Variants in CPNE4 observed in about 807,000 individuals in gnomAD.
The protein encoded by CPNE4 is copine-4.
CPNE4 carries 25 observed loss-of-function variants against 67.9 expected under a neutral mutation model. That is an observed-to-expected ratio of 0.37 (90% CI 0.27 to 0.51). The LOEUF is 0.51. CPNE4 is among the 20% of genes least tolerant of loss of function. CPNE4 has a pLI of 0.93. For synonymous variants in CPNE4, 242 were observed against 244.9 expected (o/e 0.99, Z 0.11); for missense variants, 464 against 690.8 (o/e 0.67, Z 3.68).
intron 1 of CPNE4, among the ~76,000 whole-genome samples, chr3:131,915,806 C>G (rs1310798224): frequency 6.6e-6 from 1 of 152,138 alleles, no homozygotes; most frequent in Non-Finnish European, 1.5e-5. Context: ...CATATGGAAT[C>G]AGATACATTG....
chr3:131,779,608 T>A (rs934984421), intron 2 of CPNE4, among the ~76,000 whole-genome samples: 2 of 152,026 alleles, frequency 1.3e-5, no homozygotes, highest in African/African-American at 2.4e-5. Flanking sequence ...CAATAAATGG[T>A]TGTGGAATAA....
At chr3:131,545,955 G>A (rs1042783535) in intron 14 of CPNE4, among the ~76,000 whole-genome samples, 20 of 152,058 alleles carry the variant, frequency 1.3e-4, no homozygotes, top group Admixed American at 2.6e-4. Context: ...CCAGCTACTC[G>A]GGAGGCTAAG....
chr3:131,937,714 G>C (rs1018492353), intron 1 of CPNE4, among the ~76,000 whole-genome samples: 1 of 152,114 alleles, frequency 6.6e-6, no homozygotes, highest in Non-Finnish European at 1.5e-5. Flanking sequence ...GGGAAAGGGG[G>C]AAAGGAGTTT....
intron 2 of CPNE4, among the ~76,000 whole-genome samples, chr3:131,723,830 T>C (rs1233133235): frequency 6.6e-6 from 1 of 152,194 alleles, no homozygotes; most frequent in Non-Finnish European, 1.5e-5. Flanking sequence ...ATGTTAGACA[T>C]GTAAATAACT....
intron 1 of CPNE4, among the ~76,000 whole-genome samples, chr3:132,021,889 A>G (rs1224992344): frequency 6.6e-6 from 1 of 152,198 alleles, no homozygotes; most frequent in Non-Finnish European, 1.5e-5. Context: ...TCACAAATAG[A>G]ACTGTTTCTC....
intron 1 of CPNE4, among the ~76,000 whole-genome samples, chr3:131,930,475 A>G (rs1307313731): frequency 1.3e-5 from 2 of 151,914 alleles, no homozygotes; most frequent in Non-Finnish European, 2.9e-5. Flanking sequence ...AAGCCAAAGG[A>G]CTCATTTATT....
chr3:131,987,635 C>T (rs565537576), intron 1 of CPNE4, among the ~76,000 whole-genome samples: 1 of 152,098 alleles, frequency 6.6e-6, no homozygotes, highest in South Asian at 2.1e-4. Flanking sequence ...TGATCCACCC[C>T]CCTTGGCCTC....
chr3:131,867,272 C>T (rs555718407), intron 2 of CPNE4, among the ~76,000 whole-genome samples: 9 of 152,072 alleles, frequency 5.9e-5, no homozygotes, highest in African/African-American at 9.6e-5. Flanking sequence ...CACAGCTGTT[C>T]GGAGCAGGTC....
chr3:132,027,281 C>A (rs1030121468), intron 1 of CPNE4, among the ~76,000 whole-genome samples: 1 of 152,098 alleles, frequency 6.6e-6, no homozygotes, highest in Admixed American at 6.5e-5. Flanking sequence ...TGTAACTAGG[C>A]CACCAACGAG....
intron 3 of CPNE4, among the ~76,000 whole-genome samples, chr3:131,717,874 T>TTTTCTTTCTCTTTCTTTCTTTC (rs1553758856): frequency 4.1e-5 from 4 of 97,038 alleles, no homozygotes; most frequent in African/African-American, 1.5e-4. Flanking sequence ...TCTTTCTTTC[T>TTTTCTTTCTCTTTCTTTCTTTC]TTTCTTTCTT....
At chr3:131,675,608 G>C (rs1343716396) in intron 6 of CPNE4, among the ~76,000 whole-genome samples, 2 of 151,944 alleles carry the variant, frequency 1.3e-5, no homozygotes, top group Non-Finnish European at 2.9e-5. Context: ...TATTTTGTCT[G>C]ATGTAAGTAT....
At chr3:131,870,873 C>T in intron 2 of CPNE4, among the ~76,000 whole-genome samples, 1 of 152,154 alleles carries the variant, frequency 6.6e-6, no homozygotes, top group African/African-American at 2.4e-5. Flanking sequence ...TAAGATTACT[C>T]AGCCTGAAGA....
At chr3:131,552,628 C>T (rs1582781035) in intron 12 of CPNE4, 137 bp from the exon 13 acceptor site, 2 of 635,382 alleles carry the variant, frequency 3.1e-6, no homozygotes, top group Middle Eastern at 6.3e-4. Context: ...GGAACCATTT[C>T]AAGCCTTTAC....
chr3:131,887,890 T>C (rs761170930), intron 2 of CPNE4, among the ~76,000 whole-genome samples: 18 of 151,680 alleles, frequency 1.2e-4, no homozygotes, highest in Non-Finnish European at 2.2e-4. Context: ...GTTGACACTC[T>C]TCTTATTAAG....
Position 131,840,378 on chromosome 3 carries a change from C to T in CPNE4, c.180+64886G>A, listed in dbSNP as rs866831744. Reference sequence around the variant, plus strand: ...AGTTAACAAATATGTTGGCTAAATGCCAGCCTCAGTAGGAAACAGTCAGCC... The same window carrying T: ...AGTTAACAAATATGTTGGCTAAATGTCAGCCTCAGTAGGAAACAGTCAGCC... On this transcript the variant is annotated intron_variant, in intron 2 of 15. Coordinates refer to ENST00000429747, the MANE Select transcript of CPNE4 (RefSeq NM_130808.3). 7.9e-5 allele frequency among the ~76,000 whole-genome samples: 12 copies of T among 152,264 alleles called. No individual in the cohort carries two copies. In the South Asian group the frequency reaches 2.1e-3, roughly 26 times the overall value.
chr3:132,032,127 A>T (rs1168046834), intron 1 of CPNE4, among the ~76,000 whole-genome samples: 2 of 152,234 alleles, frequency 1.3e-5, no homozygotes, highest in African/African-American at 4.8e-5. Flanking sequence ...AGACTTGGAG[A>T]TAAACAGGAA....
chr3:131,937,684 C>A (rs1275040881), intron 1 of CPNE4, among the ~76,000 whole-genome samples: 1 of 151,626 alleles, frequency 6.6e-6, no homozygotes, highest in African/African-American at 2.4e-5. Context: ...TAGATACATG[C>A]AAATAACAGA....
At position 132,028,939 on chromosome 3, in the gene CPNE4, A is replaced by T. The variant is rs549778042; in HGVS notation, c.-2+5628T>A. On this transcript the variant is annotated intron_variant, in intron 1 of 15. Coordinates refer to ENST00000429747, the MANE Select transcript of CPNE4 (RefSeq NM_130808.3). ...CTTAATTTTTCTTTTTTTTTTTTTT[A>T]AAGGGTGAAGTTTGGGGAGAACTCC... is the stretch of plus-strand genomic sequence containing the variant. Among the ~76,000 whole-genome samples the T allele has an allele frequency of 9.9e-3, 1,446 of 145,474 alleles. 24 individuals carry two copies. The highest frequency in any genetic ancestry group is 0.035 in the African/African-American group (1,384 of 39,444).
intron 1 of CPNE4, among the ~76,000 whole-genome samples, chr3:131,955,424 T>G (rs1412794586): frequency 7.4e-6 from 1 of 134,374 alleles, no homozygotes; most frequent in Admixed American, 7.5e-5. Context: ...TTTTTTTTTT[T>G]TTTTTTTTTT....
Sources: gnomAD v4.1 joint callset for allele counts (sites outside exome capture counted in the v4.1 genomes callset) on GRCh38, gnomAD v4.1.1 for gene constraint, MANE v1.5 for transcripts, NCBI Gene and HGNC (gene_info 2026-07-23, HGNC 2026-07-21) for gene names.